Variants in SEMA6D observed in about 807,000 individuals in gnomAD.
SEMA6D encodes the protein semaphorin 6D.
Under a neutral mutation model 106.6 loss-of-function variants are expected in SEMA6D, and 35 were observed. The observed-to-expected ratio is 0.33, with a 90% CI of 0.25 to 0.44. The LOEUF (loss-of-function observed/expected upper bound fraction) is 0.44. Ranked by LOEUF, SEMA6D falls within the 20% of genes least tolerant of loss-of-function variation. The pLI is 1.00. For synonymous variants in SEMA6D, 499 were observed against 487.7 expected (o/e 1.02, Z -0.31); for missense variants, 1,185 against 1,345.9 (o/e 0.88, Z 1.87).
intron 3 of SEMA6D, among the ~76,000 whole-genome samples, chr15:47,486,000 A>G (rs931899412): frequency 2.0e-5 from 3 of 152,194 alleles, no homozygotes; most frequent in African/African-American, 7.2e-5. Flanking sequence ...AAGCTAGGGC[A>G]ATAGGGCCAG....
chr15:47,370,478 G>A (rs530271474), intron 1 of SEMA6D, among the ~76,000 whole-genome samples: 1 of 152,154 alleles, frequency 6.6e-6, no homozygotes, highest in African/African-American at 2.4e-5. Flanking sequence ...TCGAGCCACT[G>A]CACTGCAGCC....
intron 1 of SEMA6D, among the ~76,000 whole-genome samples, chr15:47,384,006 C>T (rs1244147631): frequency 6.6e-6 from 1 of 152,192 alleles, no homozygotes; most frequent in African/African-American, 2.4e-5. Flanking sequence ...TTACAATGGG[C>T]TCCGTTATTG....
chr15:47,480,024 A>ATT (rs11419122), intron 3 of SEMA6D, among the ~76,000 whole-genome samples: 2,156 of 142,182 alleles, frequency 0.015, 57 homozygotes, highest in African/African-American at 0.054. Context: ...CACCTGATTA[A>ATT]TTTTTTTTTT....
At chr15:47,227,972 AT>A (rs1491126378) in intron 1 of SEMA6D, among the ~76,000 whole-genome samples, 1 of 141,406 alleles carries the variant, frequency 7.1e-6, no homozygotes, top group African/African-American at 2.5e-5. Flanking sequence ...TCTTATATAT[AT>A]TTTATATATA....
intron 3 of SEMA6D, chr15:47,527,751 A>G (rs897847586): frequency 6.6e-6 from 1 of 152,132 alleles, no homozygotes; most frequent in African/African-American, 2.4e-5. Context: ...TAAATACTGG[A>G]AAATGCTTGT....
intron 2 of SEMA6D, among the ~76,000 whole-genome samples, chr15:47,456,091 A>C (rs1320336297): frequency 6.6e-6 from 1 of 151,926 alleles, no homozygotes; most frequent in Non-Finnish European, 1.5e-5. Context: ...ACTTAATCTT[A>C]TTGTTCTTTA....
chr15:47,480,862 C>T (rs2043135754), intron 3 of SEMA6D, among the ~76,000 whole-genome samples: 1 of 152,164 alleles, frequency 6.6e-6, no homozygotes, highest in South Asian at 2.1e-4. Context: ...CTGGTGAACT[C>T]GTATTTAAAT....
chr15:47,241,130 C>T (rs2032880997), intron 1 of SEMA6D: 1 of 152,164 alleles, frequency 6.6e-6, no homozygotes, highest in Non-Finnish European at 1.5e-5. Flanking sequence ...TTAAATAAAA[C>T]AATGTGTAAC....
At chr15:47,400,470 C>T (rs1403688260) in intron 1 of SEMA6D, among the ~76,000 whole-genome samples, 7 of 139,674 alleles carry the variant, frequency 5.0e-5, no homozygotes, top group East Asian at 2.1e-4. Flanking sequence ...GCCTGGGAGA[C>T]GGAGAGAGAC....
chr15:47,693,186 T>C (rs1332034588), intron 4 of SEMA6D, among the ~76,000 whole-genome samples: 10 of 151,990 alleles, frequency 6.6e-5, no homozygotes, highest in Non-Finnish European at 1.5e-4. Context: ...AGGAAATGTA[T>C]ACACAGAGAC....
chr15:47,481,404 G>A (rs1328862469), intron 3 of SEMA6D, among the ~76,000 whole-genome samples: 2 of 152,142 alleles, frequency 1.3e-5, no homozygotes, highest in Non-Finnish European at 2.9e-5. Flanking sequence ...AGTTAGGATG[G>A]ATTTGAGAAA....
At chr15:47,585,029 A>G (rs547931747) in intron 3 of SEMA6D, among the ~76,000 whole-genome samples, 40 of 152,198 alleles carry the variant, frequency 2.6e-4, no homozygotes, top group Non-Finnish European at 4.7e-4. Context: ...GCAGGTGTCC[A>G]TCGTCTTTCT....
chr15:47,378,762 A>T (rs1202162654), intron 1 of SEMA6D, among the ~76,000 whole-genome samples: 1 of 152,216 alleles, frequency 6.6e-6, no homozygotes, highest in Non-Finnish European at 1.5e-5. Flanking sequence ...AATGACAGAG[A>T]ACTCTATTAG....
chr15:47,626,725 T>C (rs1261136171), intron 4 of SEMA6D, among the ~76,000 whole-genome samples: 1 of 152,042 alleles, frequency 6.6e-6, no homozygotes, highest in Non-Finnish European at 1.5e-5. Flanking sequence ...TTCTGTACTC[T>C]TTTAATTTTG....
At chr15:47,316,394 CT>C (rs995139837) in intron 1 of SEMA6D, among the ~76,000 whole-genome samples, 6 of 151,910 alleles carry the variant, frequency 3.9e-5, no homozygotes, top group Admixed American at 6.6e-5. Flanking sequence ...AACTGGCCTC[CT>C]TTTCTTATCT....
At chr15:47,586,809 A>G (rs534808313) in intron 3 of SEMA6D, among the ~76,000 whole-genome samples, 1 of 151,938 alleles carries the variant, frequency 6.6e-6, no homozygotes, top group East Asian at 1.9e-4. Flanking sequence ...GTCTGTAAAG[A>G]AAATTCTGTT....
At chr15:47,762,164 A>T (rs755251096) in intron 7 of SEMA6D, 36 bp from the exon 8 acceptor site, 10 of 1,612,646 alleles carry the variant, frequency 6.2e-6, no homozygotes, top group Admixed American at 1.7e-5. Flanking sequence ...CAGGATAATT[A>T]TGGTTATCTT....
At chr15:47,543,090 C>G (rs575812922) in intron 3 of SEMA6D, among the ~76,000 whole-genome samples, 1 of 152,226 alleles carries the variant, frequency 6.6e-6, no homozygotes, top group Admixed American at 6.5e-5. Context: ...ACTGGGATGT[C>G]ATCAGTTTTA....
At chr15:47,477,347 T>C (rs2141252341) in intron 3 of SEMA6D, among the ~76,000 whole-genome samples, 1 of 152,294 alleles carries the variant, frequency 6.6e-6, no homozygotes, top group South Asian at 2.1e-4. Context: ...CCATTCATTT[T>C]AGACACATTA....
Sources: allele counts gnomAD v4.1 joint callset (sites outside exome capture counted in the v4.1 genomes callset), GRCh38; gene constraint gnomAD v4.1.1; transcripts MANE v1.5; gene names NCBI Gene and HGNC (gene_info 2026-07-23, HGNC 2026-07-21).